UPF3B: variants seen among roughly 807,000 people sequenced by gnomAD.
The protein encoded by UPF3B is regulator of nonsense transcripts 3B.
Under a neutral mutation model 40.3 loss-of-function variants are expected in UPF3B, and 7 were observed. The ratio of observed to expected loss-of-function variants is 0.17; its 90% confidence interval spans 0.10 to 0.33. The LOEUF (loss-of-function observed/expected upper bound fraction) is 0.33. Ranked by LOEUF, UPF3B falls within the 10% of genes least tolerant of loss-of-function variation. The pLI is 1.00. For synonymous variants in UPF3B, 117 were observed against 117.3 expected, an observed-to-expected ratio of 1.00 and a Z score of 0.01; for missense variants, 229 against 358.9, an observed-to-expected ratio of 0.64 and a Z score of 2.93.
intron 10 of UPF3B, among the ~76,000 whole-genome samples, chrX:119,836,433 G>A (rs916803595): frequency 1.1e-4 from 12 of 111,372 alleles, no homozygotes; most frequent in African/African-American, 3.6e-4. Flanking sequence ...TAGACAGGAC[G>A]TTAAGGAATT....
intron 4 of UPF3B, among the ~76,000 whole-genome samples, chrX:119,816,662 G>A (rs959632841): frequency 1.3e-4 from 14 of 111,562 alleles, no homozygotes; most frequent in African/African-American, 4.6e-4. Context: ...CAGGAGTGTT[G>A]CTTCTCCTAA....
chrX:119,832,312 G>A (rs1436608047), downstream of UPF3B, among the ~76,000 whole-genome samples: 2 of 112,062 alleles, frequency 1.8e-5, no homozygotes, highest in African/African-American at 6.5e-5. Context: ...AGGCTGGATT[G>A]CAGTGGCATG....
intron 3 of UPF3B, among the ~76,000 whole-genome samples, chrX:119,824,909 G>A (rs1190185559): frequency 9.2e-6 from 1 of 108,837 alleles, no homozygotes; most frequent in Admixed American, 1.0e-4. Context: ...TGGGACTACA[G>A]GTGTGCACCA....
At position 119,834,774 on chromosome X, in the gene UPF3B, G is replaced by A; in HGVS notation, c.*104C>T. ...TGCAGTGTACCCCACCAGCACAGCG[G>A]CTCCCTTTCTCTCTATTCTTTGCCC... is the stretch of plus-strand genomic sequence containing the variant. On this transcript the variant is annotated 3_prime_UTR_variant, in exon 11 of 11. Coordinates refer to ENST00000276201, the MANE Select transcript of UPF3B (RefSeq NM_080632.3). The A allele has an allele frequency of 1.7e-6, 2 of 1,205,506 alleles. No homozygotes were observed. Among genetic ancestry groups the A allele is most frequent in the Non-Finnish European group, 1.1e-6 (1 of 894,617 alleles).
chrX:119,847,540 C>T (rs897799305), intron 3 of UPF3B, among the ~76,000 whole-genome samples: 8 of 110,850 alleles, frequency 7.2e-5, no homozygotes, highest in Admixed American at 1.9e-4. Context: ...CCGAGGTGGG[C>T]GCATCACTTG....
At chrX:119,819,053 C>CT (rs561336054) in intron 4 of UPF3B, among the ~76,000 whole-genome samples, 25,930 of 88,327 alleles carry the variant, frequency 0.29, 4,547 homozygotes, top group Non-Finnish European at 0.44. Context: ...GTAACACCAG[C>CT]TTTTTTTTTT....
At chrX:119,807,799 T>G (rs949676386) in intron 5 of UPF3B, among the ~76,000 whole-genome samples, 3 of 111,077 alleles carry the variant, frequency 2.7e-5, no homozygotes, top group Non-Finnish European at 3.8e-5. Context: ...CTGGTTCAGT[T>G]TCTTTTTTTT....
intron 5 of UPF3B, among the ~76,000 whole-genome samples, chrX:119,811,444 T>C (rs914852547): frequency 3.6e-5 from 4 of 110,260 alleles, no homozygotes; most frequent in Admixed American, 2.9e-4. Context: ...CAAGAGATCA[T>C]AGACCATCCT....
intron 3 of UPF3B, among the ~76,000 whole-genome samples, chrX:119,828,730 CTTTTT>C (rs1264810066): frequency 5.3e-4 from 57 of 108,185 alleles, no homozygotes; most frequent in African/African-American, 1.8e-3. Context: ...TTCATTCTTT[CTTTTT>C]TTGAGACAGA....
chrX:119,843,813 G>A (rs1456871574), intron 4 of UPF3B, among the ~76,000 whole-genome samples: 1 of 112,073 alleles, frequency 8.9e-6, no homozygotes, highest in Non-Finnish European at 1.9e-5. Flanking sequence ...TCACAGCTAT[G>A]TGTTATTGAG....
At chrX:119,838,807 A>T (rs2056130698) in intron 8 of UPF3B, among the ~76,000 whole-genome samples, 1 of 110,895 alleles carries the variant, frequency 9.0e-6, no homozygotes, top group Non-Finnish European at 1.9e-5. Context: ...GGGTCTCACT[A>T]CTCTGTTGCC....
At position 119,840,767 on chromosome X, in the gene UPF3B, G is replaced by T. The variant is rs1603370510; in HGVS notation, c.808-83C>A. On this transcript the variant is annotated intron_variant, in intron 7 of 10. Coordinates refer to ENST00000276201, the MANE Select transcript of UPF3B (RefSeq NM_080632.3). ...AAGCTGAAAAAAAACCATAAATCAT[G>T]CCAGCCAGCCCTAAGCCCTCATTTA... 2.2e-5 allele frequency: 21 copies of T among 965,722 alleles called. No homozygotes were observed. In the East Asian group the frequency reaches 6.5e-4, roughly 30 times the overall value. 79.6% of individuals were successfully genotyped at this position (965,722 alleles called of 1,213,427 possible). A position where few individuals can be genotyped will look rare whatever the true frequency, so the allele number is the denominator to read the frequency against.
chrX:119,841,144 T>C lies in UPF3B; in HGVS notation c.739A>G (p.Ile247Val), dbSNP rs1433098281. The C allele has an allele frequency of 1.7e-6, 2 of 1,199,795 alleles. No individual in the cohort carries two copies. The highest frequency in any genetic ancestry group is 3.6e-5 in the South Asian group (2 of 56,179). The stretch of plus-strand genomic sequence containing the variant: ...CTGTCTATCTTCTTTAGCTTTTCTA[T>C]ATCTTTCCTTTTTCGTTTCTCTTCT... Reference protein sequence around the residue: ...KEEEKRKRKDIEKLKKIDRIP... With the variant: ...KEEEKRKRKDVEKLKKIDRIP... Residue 247 changes from isoleucine to valine, a missense_variant, in exon 7 of 11, where the codon ATA (isoleucine) becomes GTA (valine). Ile to Val is a conservative substitution (Grantham distance 29). Transcript: ENST00000276201.
intron 4 of UPF3B, among the ~76,000 whole-genome samples, chrX:119,821,403 GACAAA>G (rs1264332504): frequency 8.9e-6 from 1 of 112,932 alleles, no homozygotes; most frequent in Non-Finnish European, 1.9e-5. Flanking sequence ...TTCTCTGGTG[GACAAA>G]ACAAAGGCAA....
chrX:119,837,618 A>C (rs934353109), intron 10 of UPF3B, 139 bp downstream of exon 10: 14 of 386,194 alleles, frequency 3.6e-5, no homozygotes, highest in Non-Finnish European at 4.9e-5. Context: ...TCTGTCTCAA[A>C]AAAAAAAAAA....
chrX:119,813,837 T>A (rs1603365413), intron 5 of UPF3B, among the ~76,000 whole-genome samples: 1 of 110,920 alleles, frequency 9.0e-6, no homozygotes, highest in East Asian at 2.8e-4. Context: ...GTGCTGGGAT[T>A]ACAGGCATGA....
chrX:119,851,928 C>A, intron 1 of UPF3B, 55 bp from the exon 2 acceptor site: 1 of 810,830 alleles, frequency 1.2e-6, no homozygotes, highest in East Asian at 3.3e-5. Flanking sequence ...TCTGTCATAC[C>A]TGAAAGAATC....
chrX:119,822,461 A>G (rs1441544722), intron 4 of UPF3B, among the ~76,000 whole-genome samples: 1 of 113,077 alleles, frequency 8.8e-6, no homozygotes, highest in Admixed American at 9.4e-5. Flanking sequence ...ATTGCAATGC[A>G]TGTCCTCGCC....
Position 119,845,416 on chromosome X carries a change from C to T in UPF3B, c.371-120G>A, listed in dbSNP as rs1031445031. 43 of 565,103 alleles carry T rather than the reference C, an allele frequency of 7.6e-5. No individual in the cohort carries two copies. In the African/African-American group the frequency reaches 8.8e-4, roughly 12 times the overall value. 46.6% of individuals were successfully genotyped at this position (565,103 alleles called of 1,213,427 possible). On this transcript the variant is annotated intron_variant, in intron 3 of 10. Transcript: ENST00000276201. ...ATGGCAGTCATCTGAAGAGGGTCTC[C>T]CAAAGGCATAAAGCACACTGGCACA...
Sources: allele counts gnomAD v4.1 joint callset (sites outside exome capture counted in the v4.1 genomes callset), GRCh38; gene constraint gnomAD v4.1.1; transcripts MANE v1.5; gene names NCBI Gene and HGNC (gene_info 2026-07-23, HGNC 2026-07-21).